CATSPERB: variants seen among roughly 807,000 people sequenced by gnomAD.
CATSPERB encodes the protein catsper channel auxiliary subunit beta.
A neutral mutation model predicts 128.3 loss-of-function variants in CATSPERB; 93 were observed. The ratio of observed to expected loss-of-function variants is 0.72; its 90% CI spans 0.61 to 0.86. The LOEUF is 0.86. Ranked by LOEUF, CATSPERB falls within the 40% of genes least tolerant of loss-of-function variation. The pLI, the probability that CATSPERB is intolerant of heterozygous loss-of-function variation, is 0.00. For synonymous variants in CATSPERB, 381 were observed against 448.8 expected (o/e 0.85, Z 1.91); for missense variants, 1,153 against 1,329.5 (o/e 0.87, Z 2.06).
intron 17 of CATSPERB, among the ~76,000 whole-genome samples, chr14:91,629,558 TG>T (rs751403432): frequency 3.9e-5 from 6 of 152,226 alleles, no homozygotes; most frequent in Non-Finnish European, 7.3e-5. Context: ...GTTCATGAGC[TG>T]TAACAAATGT....
intron 26 of CATSPERB, among the ~76,000 whole-genome samples, chr14:91,586,139 A>T (rs1360884778): frequency 6.6e-6 from 1 of 152,172 alleles, no homozygotes; most frequent in Non-Finnish European, 1.5e-5. Flanking sequence ...CCCTGGTCAT[A>T]TGCAGCTTCT....
intron 20 of CATSPERB, among the ~76,000 whole-genome samples, chr14:91,612,832 T>C (rs560802848): frequency 6.6e-6 from 1 of 152,264 alleles, no homozygotes; most frequent in African/African-American, 2.4e-5. Context: ...AAAGTTAAGA[T>C]ACAAGGAAGC....
intron 21 of CATSPERB, among the ~76,000 whole-genome samples, chr14:91,609,130 TTGTC>T (rs963754830): frequency 2.6e-5 from 4 of 152,308 alleles, no homozygotes; most frequent in South Asian, 2.1e-4. Context: ...ACAAGGTGAA[TTGTC>T]TGTCTGAAAT....
chr14:91,668,735 G>A (rs1895033113), intron 14 of CATSPERB, among the ~76,000 whole-genome samples: 1 of 151,988 alleles, frequency 6.6e-6, no homozygotes, highest in Admixed American at 6.6e-5. Context: ...AACAACTCTG[G>A]ACGTGCCACC....
chr14:91,584,785 T>C (rs2139754028), intron 26 of CATSPERB, among the ~76,000 whole-genome samples: 1 of 152,330 alleles, frequency 6.6e-6, no homozygotes, highest in South Asian at 2.1e-4. Flanking sequence ...TCAGCAGTCA[T>C]TCAAACTGTA....
At chr14:91,651,508 G>A (rs538962164) in intron 15 of CATSPERB, among the ~76,000 whole-genome samples, 147 of 152,268 alleles carry the variant, frequency 9.7e-4, no homozygotes, top group African/African-American at 3.3e-3. Context: ...GAGGAATTAC[G>A]TTTCCTGCAT....
chr14:91,654,036 G>A (rs1894749311), intron 15 of CATSPERB, among the ~76,000 whole-genome samples: 1 of 152,064 alleles, frequency 6.6e-6, no homozygotes, highest in Non-Finnish European at 1.5e-5. Context: ...GATGGAAACA[G>A]GAAGAGTGGG....
intron 14 of CATSPERB, among the ~76,000 whole-genome samples, chr14:91,663,874 A>G (rs547663248): frequency 1.3e-5 from 2 of 152,282 alleles, no homozygotes; most frequent in African/African-American, 4.8e-5. Context: ...GTAGTGGAAG[A>G]GTTCCCCCGC....
At chr14:91,660,227 C>T (rs1894853304) in intron 14 of CATSPERB, among the ~76,000 whole-genome samples, 1 of 151,376 alleles carries the variant, frequency 6.6e-6, no homozygotes, top group Non-Finnish European at 1.5e-5. Flanking sequence ...GGCAGAGTAC[C>T]GGTCTACACA....
chr14:91,725,366 G>A (rs1045022552), intron 2 of CATSPERB, among the ~76,000 whole-genome samples, 198 bp from the exon 3 acceptor site: 8 of 152,106 alleles, frequency 5.3e-5, no homozygotes, highest in African/African-American at 1.4e-4. Flanking sequence ...GTTTAGAAAC[G>A]GAAGGTTTGG....
rs148993089 is a variant in CATSPERB at position 91,608,734 on chromosome 14, A to C, written c.2599-330T>G. On this transcript the variant is annotated intron_variant, in intron 21 of 26. Transcript: ENST00000256343. ...GGTTATTTGCTTTTTGTCACAAAGAAAATTATAAGTAATAAATTAGTTGAT... is the reference window on the plus strand; with the variant it reads ...GGTTATTTGCTTTTTGTCACAAAGACAATTATAAGTAATAAATTAGTTGAT... Among the ~76,000 whole-genome samples, 386 of 152,378 alleles carry C rather than the reference A, an allele frequency of 2.5e-3. 3 individuals carry two copies. The highest frequency in any genetic ancestry group is 8.9e-3 in the African/African-American group (370 of 41,602).
chr14:91,655,284 T>C (rs1894768104), intron 15 of CATSPERB, among the ~76,000 whole-genome samples: 1 of 152,152 alleles, frequency 6.6e-6, no homozygotes, highest in South Asian at 2.1e-4. Context: ...CACCAATCAA[T>C]GTCCAGAAGC....
At chr14:91,663,845 T>C (rs1894931293) in intron 14 of CATSPERB, among the ~76,000 whole-genome samples, 1 of 152,142 alleles carries the variant, frequency 6.6e-6, no homozygotes, top group South Asian at 2.1e-4. Flanking sequence ...AGTTCAGTAG[T>C]GTTACGTATA....
chr14:91,647,391 T>C (rs1230367654), intron 15 of CATSPERB, among the ~76,000 whole-genome samples: 1 of 152,168 alleles, frequency 6.6e-6, no homozygotes, highest in Non-Finnish European at 1.5e-5. Context: ...ATTCAAAGTC[T>C]AAGTTTGCAG....
At chr14:91,674,571 C>A (rs1044486876) in intron 11 of CATSPERB, among the ~76,000 whole-genome samples, 7 of 152,032 alleles carry the variant, frequency 4.6e-5, no homozygotes, top group Non-Finnish European at 7.4e-5. Flanking sequence ...AGCTTAGATT[C>A]AAAGTGCATT....
chr14:91,625,322 T>C (rs937886351), intron 17 of CATSPERB, among the ~76,000 whole-genome samples: 12 of 152,176 alleles, frequency 7.9e-5, no homozygotes, highest in African/African-American at 2.2e-4. Context: ...TTTGACATTA[T>C]GCATTAGGAG....
chr14:91,581,152 A>T, intron 26 of CATSPERB, 45 bp from the exon 27 acceptor site: 2 of 1,471,722 alleles, frequency 1.4e-6, no homozygotes, highest in Admixed American at 1.9e-5. Context: ...GAATTTAGCA[A>T]TGCAAAACAC....
intron 3 of CATSPERB, among the ~76,000 whole-genome samples, chr14:91,723,440 T>C (rs1896066959): frequency 2.0e-5 from 3 of 152,188 alleles, no homozygotes; most frequent in Non-Finnish European, 2.9e-5. Flanking sequence ...CAAAGCAATA[T>C]GTTATCACAA....
At chr14:91,707,342 A>G (rs1895748640) in intron 6 of CATSPERB, among the ~76,000 whole-genome samples, 2 of 152,208 alleles carry the variant, frequency 1.3e-5, no homozygotes, top group South Asian at 4.1e-4. Context: ...TTAAAAATTG[A>G]TATAACAATT....
Sources: gnomAD v4.1 joint callset for allele counts (sites outside exome capture counted in the v4.1 genomes callset) on GRCh38, gnomAD v4.1.1 for gene constraint, MANE v1.5 for transcripts, NCBI Gene and HGNC (gene_info 2026-07-23, HGNC 2026-07-21) for gene names.